USP14: variants seen among roughly 807,000 people sequenced by gnomAD.
The protein encoded by USP14 is ubiquitin specific peptidase 14, also known as ubiquitin carboxyl-terminal hydrolase 14.
In USP14, 38 loss-of-function variants were observed where a neutral mutation model predicts 76.5. The observed-to-expected ratio is 0.50, with a 90% CI of 0.38 to 0.65. The LOEUF is 0.65. USP14 is among the 30% of genes least tolerant of loss of function. USP14 has a pLI of 0.00. For synonymous variants in USP14, 192 were observed against 191.7 expected, an observed-to-expected ratio of 1.00 and a Z score of -0.01; for missense variants, 467 against 586.5, an observed-to-expected ratio of 0.80 and a Z score of 2.10.
rs139964295 is a variant in USP14, at chr18:198,077, C to A, written c.706C>A (p.Pro236Thr). The A allele has an allele frequency of 3.5e-4, 565 of 1,610,814 alleles. 2 individuals carry two copies. Among genetic ancestry groups the A allele is most frequent in the East Asian group, 1.3e-4 (6 of 44,872 alleles). The change falls in exon 9 of 16, where the codon CCT becomes ACT. Residue 236 changes from proline to threonine, a missense_variant. Physicochemically the swap from Pro to Thr is conservative, Grantham distance 38. Coordinates refer to ENST00000261601, the MANE Select transcript of USP14 (RefSeq NM_005151.4). ...CTCCTCATCTGCATCGGCAGCGACA[C>A]CTTCTAAAAAGAAAAGTTTAATCGA... ...TDSSSASAATPSKKKSLIDQF... is the reference protein window; with the variant it reads ...TDSSSASAATTSKKKSLIDQF...
intron 5 of USP14, among the ~76,000 whole-genome samples, chr18:191,135 A>G (rs1386922722): frequency 6.6e-6 from 1 of 152,128 alleles, no homozygotes; most frequent in Non-Finnish European, 1.5e-5. Context: ...TTAGTACTTA[A>G]TTTTAATTTC....
rs1910502831 is a variant in USP14 at position 205,438 on chromosome 18, C to A, written c.1164+746C>A. Among the ~76,000 whole-genome samples the A allele has an allele frequency of 2.0e-5, 3 of 152,126 alleles. No homozygotes were observed. In the South Asian group the frequency reaches 6.2e-4, roughly 32 times the overall value. ...CTTCTGCCCTACCCCTTCCTTAATT[C>A]CTGACAACTACCAACCCGTTCATTT... On this transcript the variant is annotated intron_variant, in intron 13 of 15. Coordinates refer to ENST00000261601, the MANE Select transcript of USP14 (RefSeq NM_005151.4).
intron 1 of USP14, among the ~76,000 whole-genome samples, chr18:159,798 A>G (rs1013041234): frequency 6.6e-6 from 1 of 152,172 alleles, no homozygotes; most frequent in African/African-American, 2.4e-5. Flanking sequence ...GCCAGCGCTG[A>G]CCAGAGTTTC....
chr18:178,187 T>C (rs1165275576), intron 3 of USP14, among the ~76,000 whole-genome samples: 1 of 152,116 alleles, frequency 6.6e-6, no homozygotes, highest in Non-Finnish European at 1.5e-5. Context: ...GCCCAGCTAA[T>C]ATTGGTATTT....
intron 2 of USP14, among the ~76,000 whole-genome samples, chr18:164,603 A>G (rs1053180105): frequency 3.3e-5 from 5 of 151,786 alleles, no homozygotes; most frequent in East Asian, 1.9e-4. Flanking sequence ...ACAGGTGTCT[A>G]CCACCATGCC....
chr18:192,105 T>C (rs1257648446), intron 5 of USP14, among the ~76,000 whole-genome samples: 1 of 152,250 alleles, frequency 6.6e-6, no homozygotes, highest in Non-Finnish European at 1.5e-5. Context: ...CAACCTTAAG[T>C]GACCTATTTA....
intron 1 of USP14, among the ~76,000 whole-genome samples, chr18:160,181 G>C (rs954619932): frequency 6.6e-6 from 1 of 151,922 alleles, no homozygotes; most frequent in African/African-American, 2.4e-5. Context: ...GCAGGTGCCG[G>C]TAATCCCAGC....
intron 6 of USP14, among the ~76,000 whole-genome samples, chr18:195,435 G>A (rs1910204389): frequency 6.6e-6 from 1 of 152,030 alleles, no homozygotes. Context: ...TCACATCTTG[G>A]GTATTAATAA....
chr18:205,725 G>A (rs1910510784), intron 13 of USP14, among the ~76,000 whole-genome samples: 1 of 152,166 alleles, frequency 6.6e-6, no homozygotes, highest in Non-Finnish European at 1.5e-5. Context: ...ATGCTGTAAT[G>A]AGCCATGATT....
At chr18:163,959 C>T (rs1305645132) in intron 2 of USP14, among the ~76,000 whole-genome samples, 1 of 152,028 alleles carries the variant, frequency 6.6e-6, no homozygotes, top group Non-Finnish European at 1.5e-5. Context: ...GTTTGCTTTT[C>T]TGTTCCTGCA....
intron 10 of USP14, among the ~76,000 whole-genome samples, chr18:202,036 A>G (rs1002008729): frequency 1.3e-5 from 2 of 152,240 alleles, no homozygotes; most frequent in African/African-American, 4.8e-5. Flanking sequence ...AAAAAATCAG[A>G]CTTTAAAATT....
chr18:182,317 T>C (rs953333629), intron 5 of USP14, among the ~76,000 whole-genome samples: 3 of 152,228 alleles, frequency 2.0e-5, no homozygotes, highest in African/African-American at 7.2e-5. Context: ...TTCTTTATGA[T>C]AGAATTCTGA....
chr18:196,895 T>C (rs1460893677), intron 7 of USP14, 128 bp downstream of exon 7: 1 of 1,231,590 alleles, frequency 8.1e-7, no homozygotes, highest in African/African-American at 1.5e-5. Flanking sequence ...CGGCTGTCTC[T>C]TGCCTGGAGC....
At chr18:209,898 T>C in intron 13 of USP14, 73 bp from the exon 14 acceptor site, 1 of 1,166,952 alleles carries the variant, frequency 8.6e-7, no homozygotes, top group Non-Finnish European at 1.2e-6. Context: ...ATTTATGAAA[T>C]TGAACACTTA....
chr18:171,407 A>T (rs1312680995), intron 3 of USP14, among the ~76,000 whole-genome samples: 2 of 152,180 alleles, frequency 1.3e-5, no homozygotes, highest in Non-Finnish European at 2.9e-5. Context: ...TGGATCTCTT[A>T]AGAATGATGC....
intron 3 of USP14, among the ~76,000 whole-genome samples, chr18:171,025 A>AATATATATATATATATATATATAT (rs57888885): frequency 3.8e-4 from 18 of 47,616 alleles, no homozygotes; most frequent in East Asian, 2.8e-3. Flanking sequence ...AAAAAAAAAA[A>AATATATATATATATATATATATAT]ATATATATAT....
rs1473334302 is a variant in USP14 at position 158,646 on chromosome 18, C to A, written c.-53C>A. ...CTGCTCCTGGTCCCCGTCCCTTTGCCGCCCTCGTCAGGCCCAGCTCTCCTG... is the reference window on the plus strand; with the variant it reads ...CTGCTCCTGGTCCCCGTCCCTTTGCAGCCCTCGTCAGGCCCAGCTCTCCTG... On this transcript the variant is annotated 5_prime_UTR_variant, in exon 1 of 16. Coordinates refer to ENST00000261601, the MANE Select transcript of USP14 (RefSeq NM_005151.4). 1.3e-6 allele frequency: 2 copies of A among 1,511,266 alleles called. No individual in the cohort carries two copies. Among genetic ancestry groups the A allele is most frequent in the Admixed American group, 2.0e-5 (1 of 49,428 alleles). The allele number at this position is 1,511,266 out of a possible 1,614,324, so 93.6% of individuals were successfully genotyped here.
At chr18:196,397 G>A (rs1374188437) in intron 6 of USP14, 3 of 292,494 alleles carry the variant, frequency 1.0e-5, no homozygotes, top group Non-Finnish European at 1.9e-5. Flanking sequence ...GGTGGCGTGT[G>A]CCTGTAATCC....
intron 1 of USP14, among the ~76,000 whole-genome samples, chr18:162,462 A>G (rs1416544746): frequency 6.6e-6 from 1 of 152,126 alleles, no homozygotes; most frequent in Non-Finnish European, 1.5e-5. Flanking sequence ...TTTTTTCTTA[A>G]TTGAGCACCT....
Sources: gnomAD v4.1 joint callset for allele counts (sites outside exome capture counted in the v4.1 genomes callset) on GRCh38, gnomAD v4.1.1 for gene constraint, MANE v1.5 for transcripts, NCBI Gene and HGNC (gene_info 2026-07-23, HGNC 2026-07-21) for gene names.